Variants in CTNNA2 observed in about 807,000 individuals in gnomAD.
CTNNA2 encodes catenin alpha 2.
Under a neutral mutation model 101.0 loss-of-function variants are expected in CTNNA2, and 42 were observed. The ratio of observed to expected loss-of-function variants is 0.42; its 90% CI spans 0.32 to 0.54. The LOEUF (loss-of-function observed/expected upper bound fraction) is 0.54. Ranked by LOEUF, CTNNA2 falls within the 20% of genes least tolerant of loss-of-function variation. CTNNA2 has a pLI of 0.14. For synonymous variants in CTNNA2, 450 were observed against 456.4 expected (o/e 0.99, Z 0.18); for missense variants, 871 against 1,223.1 (o/e 0.71, Z 4.29).
At chr2:79,290,603 C>T (rs577578898) in intron 2 of CTNNA2, among the ~76,000 whole-genome samples, 12 of 152,190 alleles carry the variant, frequency 7.9e-5, no homozygotes, top group Non-Finnish European at 1.0e-4. Flanking sequence ...AACACACAAG[C>T]GGCTGGACAT....
intron 2 of CTNNA2, among the ~76,000 whole-genome samples, chr2:79,729,075 A>G (rs1474986302): frequency 6.6e-6 from 1 of 152,146 alleles, no homozygotes; most frequent in Non-Finnish European, 1.5e-5. Flanking sequence ...AGCACATAGA[A>G]TGTAGAAATT....
chr2:80,432,689 A>T (rs1288291762), intron 9 of CTNNA2, among the ~76,000 whole-genome samples: 1 of 152,180 alleles, frequency 6.6e-6, no homozygotes, highest in Non-Finnish European at 1.5e-5. Context: ...TGCCCTTCCA[A>T]ATCTGTAAAG....
intron 7 of CTNNA2, among the ~76,000 whole-genome samples, chr2:80,260,227 A>C (rs568366593): frequency 6.6e-6 from 1 of 152,318 alleles, no homozygotes; most frequent in East Asian, 1.9e-4. Flanking sequence ...TCAGTAATGT[A>C]GCAATTAGTA....
rs113431483 is a variant in CTNNA2, at chr2:79,815,039, T to G, written c.299-42974T>G. On this transcript the variant is annotated intron_variant, in intron 3 of 18. Transcript: ENST00000402739. ...CCCTAATTATTGGTGATGTTGAGCA[T>G]TTTTTCACATGTTGGTTGGCCATTT... is the stretch of plus-strand genomic sequence containing the variant. Among the ~76,000 whole-genome samples, 877 of 152,302 alleles carry G rather than the reference T, an allele frequency of 5.8e-3. 4 individuals are homozygous for G. The highest frequency in any genetic ancestry group is 0.051 in the Middle Eastern group (15 of 294).
rs1677687682 is a variant in CTNNA2, at chr2:80,393,235, C to G, written c.1081C>G (p.Pro361Ala). 2 of 1,609,326 alleles carry G rather than the reference C, an allele frequency of 1.2e-6. No individual in the cohort carries two copies. The highest frequency in any genetic ancestry group is 1.7e-6 in the Non-Finnish European group (2 of 1,177,822). The change falls in exon 8 of 19, where the codon CCT becomes GCT. Residue 361 changes from proline (P) to alanine (A), a missense_variant. Physicochemically the swap from Pro to Ala is conservative, Grantham distance 27. This residue lies in a region of CTNNA2 where 647 missense variants were observed against 831.5 expected (regional missense o/e 0.78). Coordinates refer to ENST00000402739, the MANE Select transcript of CTNNA2 (RefSeq NM_001282597.3). The stretch of plus-strand genomic sequence containing the variant: ...GACTGGAAGGAAAGAAAAAGGAGAT[C>G]CTCTCAACATTGCGATTGATAAGAT... ...NNTGRKEKGDPLNIAIDKMTK... is the reference protein window; with the variant it reads ...NNTGRKEKGDALNIAIDKMTK...
chr2:79,896,064 C>T (rs144428456), intron 6 of CTNNA2, among the ~76,000 whole-genome samples: 96 of 152,106 alleles, frequency 6.3e-4, no homozygotes, highest in African/African-American at 2.2e-3. Context: ...AGGTGGATCG[C>T]CTGAGTCTGG....
chr2:80,059,109 T>C (rs2104369248), intron 7 of CTNNA2, among the ~76,000 whole-genome samples: 1 of 152,296 alleles, frequency 6.6e-6, no homozygotes, highest in East Asian at 1.9e-4. Context: ...ATTTGTGTAG[T>C]TATAAGGTAG....
At position 80,302,641 on chromosome 2, in the gene CTNNA2, C is replaced by T. The variant is rs369816418; in HGVS notation, c.1057-90570C>T. On this transcript the variant is annotated intron_variant, in intron 7 of 18. Coordinates refer to ENST00000402739, the MANE Select transcript of CTNNA2 (RefSeq NM_001282597.3). The surrounding 1 kb of genome is among the most constrained non-coding windows in gnomAD (Gnocchi z 6.4). ...GCTGCCCCTCCCCGCCGTCCGCGAG[C>T]GTGGTGGCCGAGCTGGCAGGGGGCC... The T allele has an allele frequency of 7.5e-6, 12 of 1,607,622 alleles. No homozygotes were observed. The African/African-American group carries it at 1.6e-4, about 21-fold the overall frequency.
chr2:79,737,760 G>A (rs948891566), intron 2 of CTNNA2, among the ~76,000 whole-genome samples: 4 of 152,148 alleles, frequency 2.6e-5, no homozygotes, highest in African/African-American at 9.7e-5. Flanking sequence ...CTGCCCCATA[G>A]GTAAGGCTTA....
chr2:80,333,654 G>T (rs187299159), intron 7 of CTNNA2, among the ~76,000 whole-genome samples: 1 of 152,056 alleles, frequency 6.6e-6, no homozygotes, highest in Non-Finnish European at 1.5e-5. Context: ...TGGTGGGGGG[G>T]ATGGAGTCTT....
intron 18 of CTNNA2, among the ~76,000 whole-genome samples, chr2:80,632,490 G>A (rs1672405150): frequency 6.6e-6 from 1 of 152,006 alleles, no homozygotes. Context: ...CAAATTTGAG[G>A]GCCCCAAGCA....
chr2:80,117,455 A>AGTGTGAGTGTGT (rs1553453141), intron 7 of CTNNA2, among the ~76,000 whole-genome samples: 1 of 145,882 alleles, frequency 6.9e-6, no homozygotes, highest in Non-Finnish European at 1.5e-5. Flanking sequence ...TTCCTGTGTG[A>AGTGTGAGTGTGT]GTGTGTGTGT....
chr2:80,169,169 C>A (rs999499231), intron 7 of CTNNA2, among the ~76,000 whole-genome samples: 1 of 152,192 alleles, frequency 6.6e-6, no homozygotes, highest in African/African-American at 2.4e-5. Flanking sequence ...TGCCTGGGGG[C>A]AGAAAACAGT....
chr2:79,266,447 A>G (rs1400494775), intron 2 of CTNNA2, among the ~76,000 whole-genome samples: 1 of 152,174 alleles, frequency 6.6e-6, no homozygotes, highest in African/African-American at 2.4e-5. Flanking sequence ...CATACATCTC[A>G]ATTCCTTACT....
At chr2:80,492,865 A>G (rs934539487) in intron 9 of CTNNA2, among the ~76,000 whole-genome samples, 2 of 151,976 alleles carry the variant, frequency 1.3e-5, no homozygotes, top group Non-Finnish European at 2.9e-5. Flanking sequence ...TGTTTGAGTT[A>G]TCCTTCATAC....
At chr2:79,311,151 T>C (rs1296977515) in intron 2 of CTNNA2, among the ~76,000 whole-genome samples, 1 of 152,188 alleles carries the variant, frequency 6.6e-6, no homozygotes, top group African/African-American at 2.4e-5. Context: ...GGCTCACGCC[T>C]GTAATCCCAG....
intron 12 of CTNNA2, among the ~76,000 whole-genome samples, chr2:80,567,340 T>C (rs1338592274): frequency 1.3e-5 from 2 of 151,394 alleles, no homozygotes; most frequent in Non-Finnish European, 2.9e-5. Flanking sequence ...GGCTTCAGTT[T>C]GGGGTAGTTT....
intron 7 of CTNNA2, among the ~76,000 whole-genome samples, chr2:80,109,941 A>T (rs1035604006): frequency 1.3e-5 from 2 of 152,230 alleles, no homozygotes; most frequent in Non-Finnish European, 2.9e-5. Flanking sequence ...TCCTTTTTTA[A>T]TCTGAATTAA....
intron 1 of CTNNA2, among the ~76,000 whole-genome samples, chr2:79,618,521 C>T (rs1163550223): frequency 1.3e-5 from 2 of 152,058 alleles, no homozygotes; most frequent in African/African-American, 4.8e-5. Context: ...CCAAGATAAG[C>T]CTCTGAAGCT....
Sources: allele counts gnomAD v4.1 joint callset (sites outside exome capture counted in the v4.1 genomes callset), GRCh38; gene constraint gnomAD v4.1.1; regional missense constraint gnomAD v4.1.1; non-coding constraint Gnocchi (gnomAD v3.1); transcripts MANE v1.5; gene names NCBI Gene and HGNC (gene_info 2026-07-23, HGNC 2026-07-21).